FAM114A1: variants seen among roughly 807,000 people sequenced by gnomAD.
FAM114A1 encodes the protein family with sequence similarity 114 member A1, also known as protein NOXP20.
FAM114A1 carries 62 observed loss-of-function variants against 64.3 expected under a neutral mutation model. That is an observed-to-expected ratio of 0.96 (90% CI 0.79 to 1.19). FAM114A1 has a LOEUF of 1.19. Ranked by LOEUF, FAM114A1 falls within the 50% of genes most tolerant of loss-of-function variation. FAM114A1 has a pLI of 0.00. For missense variants in FAM114A1, 645 were observed against 676.3 expected, an observed-to-expected ratio of 0.95 and a Z score of 0.51; for synonymous variants, 254 against 251.1, an observed-to-expected ratio of 1.01 and a Z score of -0.11.
intron 3 of FAM114A1, among the ~76,000 whole-genome samples, chr4:38,885,433 G>A (rs938888373): frequency 5.9e-5 from 9 of 151,582 alleles, no homozygotes; most frequent in Non-Finnish European, 5.9e-5. Context: ...ATGCCACCAC[G>A]CCTGGCTAAT....
chr4:38,939,886 C>CTTTTT (rs545845095), intron 13 of FAM114A1, among the ~76,000 whole-genome samples: 301 of 131,434 alleles, frequency 2.3e-3, no homozygotes, highest in African/African-American at 4.9e-3. Context: ...CACTTTCTTT[C>CTTTTT]TTTTTTTTTT....
At chr4:38,937,601 G>T (rs771576826) in intron 13 of FAM114A1, among the ~76,000 whole-genome samples, 8 of 152,074 alleles carry the variant, frequency 5.3e-5, no homozygotes, top group Non-Finnish European at 1.0e-4. Flanking sequence ...ATGTCTTTTT[G>T]CAGGGTACAC....
chr4:38,881,407 T>C (rs1156503174), intron 3 of FAM114A1, among the ~76,000 whole-genome samples: 2 of 152,028 alleles, frequency 1.3e-5, no homozygotes, highest in Non-Finnish European at 2.9e-5. Context: ...TTCCTAATAA[T>C]AGAGCACCAC....
Position 38,878,113 on chromosome 4 carries a change from G to T in FAM114A1, c.35G>T (p.Gly12Val). The T allele has an allele frequency of 6.2e-7, 1 of 1,613,228 alleles. No homozygotes were observed. Reference protein sequence around the residue: ...SDDAGDTLATGDKAEVTEMPN... With the variant: ...SDDAGDTLATVDKAEVTEMPN... Reference sequence around the variant, plus strand: ...GATGCTGGTGACACCTTAGCCACTGGAGACAAAGCAGAAGTTACTGAGATG... The same window carrying T: ...GATGCTGGTGACACCTTAGCCACTGTAGACAAAGCAGAAGTTACTGAGATG... The change falls in exon 3 of 15, where the codon GGA becomes GTA. Residue 12 changes from glycine (G) to valine (V), a missense_variant. Transcript: ENST00000358869.
intron 3 of FAM114A1, among the ~76,000 whole-genome samples, chr4:38,889,552 C>T (rs1873195): frequency 0.17 from 26,228 of 152,150 alleles, 2,559 homozygotes; most frequent in Middle Eastern, 0.39. Context: ...TTGATCTTCA[C>T]GAACCGGTGA....
In FAM114A1 at chr4:38,915,064, C is replaced by T. The variant is rs199646586; in HGVS notation, c.936C>T (p.Ser312=). The T allele has an allele frequency of 8.5e-5, 137 of 1,613,950 alleles. No individual in the cohort carries two copies. The East Asian group carries it at 1.9e-3, about 23-fold the overall frequency. Residue 312 remains serine (S), a synonymous_variant, in exon 8 of 15, where the codon AGC becomes AGT. Transcript: ENST00000358869. ...LEALEILSNE[S]ESKVQSFLAS... is the part of the protein sequence containing the mutation. ...CCCTGGAAATTCTGTCCAATGAAAG[C>T]GAAAGCAAGGTACTTCTGCACTACT...
intron 8 of FAM114A1, among the ~76,000 whole-genome samples, chr4:38,920,451 A>G (rs1406501253): frequency 6.6e-6 from 1 of 152,220 alleles, no homozygotes; most frequent in Non-Finnish European, 1.5e-5. Context: ...ATTGAACTAA[A>G]GATTCAATGC....
intron 2 of FAM114A1, among the ~76,000 whole-genome samples, chr4:38,876,793 G>C (rs1234669022): frequency 6.6e-6 from 1 of 152,224 alleles, no homozygotes; most frequent in East Asian, 1.9e-4. Context: ...TGAGGGGAGA[G>C]TGGTTTCTTT....
chr4:38,907,490 T>C (rs1194384194), intron 6 of FAM114A1, among the ~76,000 whole-genome samples: 1 of 152,156 alleles, frequency 6.6e-6, no homozygotes, highest in African/African-American at 2.4e-5. Flanking sequence ...CTCAATAAAA[T>C]AATTTTTCAT....
In FAM114A1 at chr4:38,943,901, T is replaced by C. The variant is rs540577791; in HGVS notation, c.*344T>C. On this transcript the variant is annotated 3_prime_UTR_variant, in exon 15 of 15. Coordinates refer to ENST00000358869, the MANE Select transcript of FAM114A1 (RefSeq NM_138389.4). Reference sequence around the variant, plus strand: ...GAAACTCATGGGGAGACCTTAGACTTTTGTTTAATCCTTTATGTTTCAACC... The same window carrying C: ...GAAACTCATGGGGAGACCTTAGACTCTTGTTTAATCCTTTATGTTTCAACC... The C allele has an allele frequency of 1.5e-5, 3 of 194,526 alleles. No homozygotes were observed. The East Asian group carries it at 3.4e-4, about 22-fold the overall frequency. The allele number at this position is 194,526 out of a possible 1,614,324, so 12.0% of individuals were successfully genotyped here.
chr4:38,919,180 G>T (rs1157484749), intron 8 of FAM114A1, among the ~76,000 whole-genome samples: 1 of 151,988 alleles, frequency 6.6e-6, no homozygotes, highest in East Asian at 1.9e-4. Context: ...AAACGGTAAA[G>T]AACTTTAGAA....
At chr4:38,899,607 T>G (rs1378567454) in intron 4 of FAM114A1, among the ~76,000 whole-genome samples, 1 of 152,218 alleles carries the variant, frequency 6.6e-6, no homozygotes, top group Admixed American at 6.5e-5. Context: ...TTTAGGTAAA[T>G]ATGCTTTTAT....
chr4:38,906,333 C>T (rs1717999792), intron 6 of FAM114A1, among the ~76,000 whole-genome samples: 1 of 152,154 alleles, frequency 6.6e-6, no homozygotes, highest in African/African-American at 2.4e-5. Flanking sequence ...AGCGTTCTTC[C>T]CCCATCCCTA....
chr4:38,868,926 G>A (rs917853316), intron 2 of FAM114A1, among the ~76,000 whole-genome samples: 1 of 152,220 alleles, frequency 6.6e-6, no homozygotes, highest in African/African-American at 2.4e-5. Context: ...TTTAAGTGAA[G>A]GAATGAGACG....
At chr4:38,930,080 G>A (rs1720505673) in intron 10 of FAM114A1, among the ~76,000 whole-genome samples, 1 of 152,090 alleles carries the variant, frequency 6.6e-6, no homozygotes. Flanking sequence ...AGAGAGGCAC[G>A]TCAGCCAGGT....
chr4:38,933,697 G>A (rs1310007504), intron 12 of FAM114A1, among the ~76,000 whole-genome samples: 1 of 152,094 alleles, frequency 6.6e-6, no homozygotes. Context: ...TAACTTTTAT[G>A]CACATGACTG....
At chr4:38,880,921 A>T (rs768337434) in intron 3 of FAM114A1, among the ~76,000 whole-genome samples, 11 of 152,352 alleles carry the variant, frequency 7.2e-5, no homozygotes, top group Non-Finnish European at 1.3e-4. Context: ...ACGGTGGCTC[A>T]TGCCTGTAAT....
At chr4:38,934,582 G>T (rs1040442475) in intron 12 of FAM114A1, among the ~76,000 whole-genome samples, 8 of 152,092 alleles carry the variant, frequency 5.3e-5, no homozygotes, top group South Asian at 2.1e-4. Flanking sequence ...CATGAGTGCT[G>T]TATGCACTAA....
intron 4 of FAM114A1, among the ~76,000 whole-genome samples, chr4:38,893,932 G>A (rs1716650417): frequency 1.3e-5 from 2 of 152,116 alleles, no homozygotes; most frequent in African/African-American, 4.8e-5. Flanking sequence ...GGAGGCCGAG[G>A]TGGATGGATC....
Sources: gnomAD v4.1 joint callset for allele counts (sites outside exome capture counted in the v4.1 genomes callset) on GRCh38, gnomAD v4.1.1 for gene constraint, MANE v1.5 for transcripts, NCBI Gene and HGNC (gene_info 2026-07-23, HGNC 2026-07-21) for gene names.